The following CYP2C19 variants were observed in gnomAD, a reference collection of about 807,000 sequenced individuals.
CYP2C19 encodes cytochrome P450 family 2 subfamily C member 19, also known as cytochrome P450 2C19.
CYP2C19 carries 59 observed loss-of-function variants against 40.9 expected under a neutral mutation model. That is an observed-to-expected ratio of 1.44 (90% CI 1.17 to 1.79). The LOEUF is 1.79. Among genes scored for constraint, CYP2C19 ranks in the 40% most tolerant of loss-of-function variants. The pLI, the probability that CYP2C19 is intolerant of heterozygous loss-of-function variation, is 0.00. For missense variants in CYP2C19, 754 were observed against 596.9 expected (o/e 1.26, Z -2.74); for synonymous variants, 253 against 208.7 (o/e 1.21, Z -1.83).
At chr10:94,845,832 A>G (rs1219112379) in intron 7 of CYP2C19, among the ~76,000 whole-genome samples, 1 of 152,092 alleles carries the variant, frequency 6.6e-6, no homozygotes, top group Non-Finnish European at 1.5e-5. Flanking sequence ...CTTAGTGGGT[A>G]GAATTTTTCA....
At chr10:94,848,213 C>T (rs1849601444) in intron 7 of CYP2C19, among the ~76,000 whole-genome samples, 1 of 152,088 alleles carries the variant, frequency 6.6e-6, no homozygotes, top group Non-Finnish European at 1.5e-5. Flanking sequence ...GGTTTTAGGT[C>T]TAACATTTAA....
chr10:94,828,625 A>T (rs1001184916), intron 6 of CYP2C19, among the ~76,000 whole-genome samples: 1 of 149,550 alleles, frequency 6.7e-6, no homozygotes, highest in Admixed American at 6.6e-5. Flanking sequence ...CCAATTTGCA[A>T]GTCTGTGTCT....
chr10:94,782,101 C>A, intron 5 of CYP2C19, 104 bp downstream of exon 5: 1 of 894,262 alleles, frequency 1.1e-6, no homozygotes, highest in Non-Finnish European at 1.6e-6. Flanking sequence ...AGGAGTAATG[C>A]TTGAGAAGCA....
chr10:94,778,911 C>T (rs536115837), intron 3 of CYP2C19, among the ~76,000 whole-genome samples: 16 of 152,276 alleles, frequency 1.1e-4, no homozygotes, highest in Admixed American at 1.0e-3. Flanking sequence ...GGCACATATA[C>T]ACTGTGGACT....
intron 6 of CYP2C19, among the ~76,000 whole-genome samples, chr10:94,840,300 GTCTC>G (rs576486204): frequency 7.1e-6 from 1 of 140,240 alleles, no homozygotes; most frequent in Non-Finnish European, 1.6e-5. Flanking sequence ...CTCTCTCTCT[GTCTC>G]TCTCTCTCTT....
intron 8 of CYP2C19, among the ~76,000 whole-genome samples, chr10:94,852,302 C>T (rs975765292): frequency 6.6e-6 from 1 of 152,150 alleles, no homozygotes; most frequent in African/African-American, 2.4e-5. Flanking sequence ...AAATCTTTGG[C>T]TGCATACTGA....
intron 8 of CYP2C19, among the ~76,000 whole-genome samples, chr10:94,850,589 G>T (rs779515170): frequency 6.6e-6 from 1 of 152,200 alleles, no homozygotes; most frequent in Non-Finnish European, 1.5e-5. Context: ...GGCTGTTGTG[G>T]GTTGGGAGGT....
intron 7 of CYP2C19, among the ~76,000 whole-genome samples, chr10:94,843,464 T>G (rs1204603785): frequency 1.3e-5 from 2 of 152,202 alleles, no homozygotes; most frequent in East Asian, 1.9e-4. Context: ...CCCAGGAATG[T>G]TGTGATTTTG....
At chr10:94,786,638 A>T (rs1052632960) in intron 5 of CYP2C19, among the ~76,000 whole-genome samples, 1 of 152,132 alleles carries the variant, frequency 6.6e-6, no homozygotes, top group African/African-American at 2.4e-5. Context: ...TTCATCACCC[A>T]GGTAGTGAGA....
chr10:94,765,646 G>C (rs1434974186), intron 1 of CYP2C19, among the ~76,000 whole-genome samples: 2 of 152,102 alleles, frequency 1.3e-5, no homozygotes, highest in Admixed American at 6.5e-5. Context: ...TAGTGGTGGG[G>C]GAGCTGCTGC....
At chr10:94,787,861 G>A (rs1372683971) in intron 5 of CYP2C19, among the ~76,000 whole-genome samples, 1 of 151,942 alleles carries the variant, frequency 6.6e-6, no homozygotes, top group African/African-American at 2.4e-5. Context: ...CTCTTCTTTG[G>A]TTTCAAACGA....
In CYP2C19 at chr10:94,853,423, A is replaced by C. The variant is rs1222392822; in HGVS notation, c.*509A>C. On this transcript the variant is annotated 3_prime_UTR_variant, in exon 9 of 9. Coordinates refer to ENST00000371321, the MANE Select transcript of CYP2C19 (RefSeq NM_000769.4). ...TTGGCTGAGCATTACCAAAATTTAG[A>C]GTTACATGAGGATTGGATTTGAAAG... is the stretch of plus-strand genomic sequence containing the variant. Among the ~76,000 whole-genome samples the C allele has an allele frequency of 6.6e-6, 1 of 152,172 alleles. No homozygotes were observed. Among genetic ancestry groups the C allele is most frequent in the Non-Finnish European group, 1.5e-5 (1 of 68,030 alleles).
intron 5 of CYP2C19, among the ~76,000 whole-genome samples, chr10:94,816,043 A>G (rs1204751393): frequency 6.6e-6 from 1 of 152,088 alleles, no homozygotes; most frequent in Non-Finnish European, 1.5e-5. Flanking sequence ...GTGTTTTGAG[A>G]ATGAAAGAGG....
In CYP2C19 at chr10:94,842,987, C is replaced by A. The variant is rs568155950; in HGVS notation, c.1112C>A (p.Thr371Asn). ...LIPTSLPHAV[T>N]CDVKFRNYLI... ...CCCACCAGCCTGCCCCATGCAGTGA[C>A]CTGTGACGTTAAATTCAGAAACTAC... Residue 371 changes from threonine to asparagine, a missense_variant, in exon 7 of 9, where the codon ACC becomes AAC. Physicochemically the swap from Thr to Asn is moderately conservative, Grantham distance 65. Transcript: ENST00000371321. The A allele has an allele frequency of 4.3e-6, 7 of 1,614,190 alleles. No individual in the cohort carries two copies. Among genetic ancestry groups the A allele is most frequent in the South Asian group, 2.2e-5 (2 of 91,084 alleles).
chr10:94,824,887 A>G (rs957795604), intron 6 of CYP2C19, among the ~76,000 whole-genome samples: 13 of 146,748 alleles, frequency 8.9e-5, no homozygotes, highest in Non-Finnish European at 1.9e-4. Context: ...ATTCCCACCT[A>G]TGAGTGAGAA....
rs1353712199 is a variant in CYP2C19 at position 94,849,305 on chromosome 10, T to G, written c.1150-612T>G. ...ACGCAAGTACTCAGTACTTCAAATGTGGTTGTGGGCATTTTATTTATTTAT... is the reference window on the plus strand; with the variant it reads ...ACGCAAGTACTCAGTACTTCAAATGGGGTTGTGGGCATTTTATTTATTTAT... On this transcript the variant is annotated intron_variant, in intron 7 of 8. Transcript: ENST00000371321. Among the ~76,000 whole-genome samples, 4 of 152,088 alleles carry G rather than the reference T, an allele frequency of 2.6e-5. No homozygotes were observed. The East Asian group carries it at 7.7e-4, about 29-fold the overall frequency.
chr10:94,799,369 G>A (rs1848733555), intron 5 of CYP2C19, among the ~76,000 whole-genome samples: 1 of 152,200 alleles, frequency 6.6e-6, no homozygotes, highest in Non-Finnish European at 1.5e-5. Context: ...TGCTGAGAGA[G>A]GCACTGTTAG....
Position 94,852,925 on chromosome 10 carries a change from A to G in CYP2C19, c.*11A>G. ...TTCATTCCTGTCTGAAGAAGCACAG[A>G]TGGTCTGGCTGCTCCTGTGCTGTCC... On this transcript the variant is annotated 3_prime_UTR_variant, in exon 9 of 9. Transcript: ENST00000371321. 6.2e-7 allele frequency: 1 copy of G among 1,613,694 alleles called. No homozygotes were observed. Among genetic ancestry groups the G allele is most frequent in the Non-Finnish European group, 8.5e-7 (1 of 1,179,728 alleles).
At chr10:94,843,281 A>G (rs1365017828) in intron 7 of CYP2C19, among the ~76,000 whole-genome samples, 1 of 152,202 alleles carries the variant, frequency 6.6e-6, no homozygotes. Flanking sequence ...ATATTTCCAG[A>G]CAAATTTTGA....
Sources: allele counts gnomAD v4.1 joint callset (sites outside exome capture counted in the v4.1 genomes callset), GRCh38; gene constraint gnomAD v4.1.1; transcripts MANE v1.5; gene names NCBI Gene and HGNC (gene_info 2026-07-23, HGNC 2026-07-21).